Variants in THADA observed in about 807,000 individuals in gnomAD.
THADA encodes THADA armadillo repeat containing.
THADA carries 213 observed loss-of-function variants against 219.8 expected under a neutral mutation model. That is an observed-to-expected ratio of 0.97 (90% CI 0.87 to 1.09). The LOEUF (loss-of-function observed/expected upper bound fraction) is 1.09. Ranked by LOEUF, THADA falls within the 50% of genes least tolerant of loss-of-function variation. THADA has a pLI of 0.00. For synonymous variants in THADA, 1,018 were observed against 828.9 expected (o/e 1.23, Z -3.92); for missense variants, 2,956 against 2,311.3 (o/e 1.28, Z -5.72).
At chr2:43,390,150 C>A (rs745440943) in intron 29 of THADA, among the ~76,000 whole-genome samples, 1 of 152,210 alleles carries the variant, frequency 6.6e-6, no homozygotes, top group Non-Finnish European at 1.5e-5. Flanking sequence ...GGATACTTTG[C>A]TCTTTGCCTA....
intron 4 of THADA, among the ~76,000 whole-genome samples, chr2:43,590,160 G>A (rs1701405171): frequency 1.3e-5 from 2 of 152,108 alleles, no homozygotes; most frequent in South Asian, 4.1e-4. Flanking sequence ...ATTTTGTATA[G>A]TTCTATATCA....
Position 43,515,126 on chromosome 2 carries a change from T to TTTATATATTATATATTATATATTATATA in THADA, c.3375-6347_3375-6346insTATATAATATATAATATATAATATATAA, listed in dbSNP as rs1691299816. Among the ~76,000 whole-genome samples, 2 of 3,684 alleles carry TTTATATATTATATATTATATATTATATA rather than the reference T, an allele frequency of 5.4e-4. 1 individual carries two copies. Among genetic ancestry groups the TTTATATATTATATATTATATATTATATA allele is most frequent in the African/African-American group, 2.4e-3 (2 of 844 alleles). 2.4% of individuals were successfully genotyped at this position (3,684 alleles called of 152,430 possible). A position where few individuals can be genotyped will look rare whatever the true frequency, so the allele number is the denominator to read the frequency against. ...ATAATATATTTTATATATAATATAT[T>TTTATATATTATATATTATATATTATATA]TTATATATAATATATAATATATTTT... On this transcript the variant is annotated intron_variant, in intron 22 of 37. Coordinates refer to ENST00000405975, the MANE Select transcript of THADA (RefSeq NM_022065.5).
chr2:43,346,291 C>T (rs1667618040), intron 29 of THADA, among the ~76,000 whole-genome samples: 1 of 151,990 alleles, frequency 6.6e-6, no homozygotes, highest in Non-Finnish European at 1.5e-5. Flanking sequence ...CACAACTAAC[C>T]TCATAGACAT....
intron 21 of THADA, among the ~76,000 whole-genome samples, chr2:43,532,237 C>T (rs1192241908): frequency 2.0e-5 from 3 of 151,502 alleles, no homozygotes; most frequent in African/African-American, 7.3e-5. Context: ...CACAGTAAAA[C>T]CCCCGTCTCT....
intron 7 of THADA, among the ~76,000 whole-genome samples, chr2:43,582,395 G>A (rs1356010907): frequency 4.0e-5 from 6 of 151,576 alleles, no homozygotes; most frequent in Non-Finnish European, 8.8e-5. Flanking sequence ...TACTCAGGGG[G>A]CTGAGGCAGG....
At chr2:43,561,667 C>T (rs1258873402) in intron 15 of THADA, among the ~76,000 whole-genome samples, 1 of 152,206 alleles carries the variant, frequency 6.6e-6, no homozygotes, top group African/African-American at 2.4e-5. Context: ...GAGCCGACAC[C>T]TGAGGTTTTT....
intron 36 of THADA, among the ~76,000 whole-genome samples, chr2:43,236,297 G>C (rs984246536): frequency 6.6e-6 from 1 of 152,202 alleles, no homozygotes; most frequent in Non-Finnish European, 1.5e-5. Flanking sequence ...TTGGGGATGC[G>C]GGGGGAAGGA....
chr2:43,307,330 T>C (rs1227089757), intron 31 of THADA, among the ~76,000 whole-genome samples: 1 of 152,176 alleles, frequency 6.6e-6, no homozygotes, highest in Non-Finnish European at 1.5e-5. Flanking sequence ...TGGGGCACAA[T>C]ACCGGAGAGA....
chr2:43,540,677 G>C (rs1230288568), intron 21 of THADA, among the ~76,000 whole-genome samples: 1 of 152,112 alleles, frequency 6.6e-6, no homozygotes, highest in Non-Finnish European at 1.5e-5. Context: ...CACTTGAACA[G>C]TCCCAGATGG....
chr2:43,429,827 T>C (rs1679004676), intron 27 of THADA, among the ~76,000 whole-genome samples: 1 of 151,700 alleles, frequency 6.6e-6, no homozygotes, highest in African/African-American at 2.4e-5. Flanking sequence ...CCAAGCAATA[T>C]GATATAATTA....
At chr2:43,355,929 GA>G (rs1668825824) in intron 29 of THADA, among the ~76,000 whole-genome samples, 1 of 152,150 alleles carries the variant, frequency 6.6e-6, no homozygotes. Context: ...ATAAAAATGT[GA>G]AAAAGATTTA....
Position 43,231,019 on chromosome 2 carries a change from C to G in THADA, c.5791G>C (p.Val1931Leu). 6.2e-7 allele frequency: 1 copy of G among 1,613,944 alleles called. No homozygotes were observed. The highest frequency in any genetic ancestry group is 8.5e-7 in the Non-Finnish European group (1 of 1,179,876). ...LEGKEGEDTL[V>L]LSVWDSYAES... ...GCATAAGAGTCCCAAACACTGAGAACTAGGGTGTCTTCCCCTTCCTTTCCT... is the reference window on the plus strand; with the variant it reads ...GCATAAGAGTCCCAAACACTGAGAAGTAGGGTGTCTTCCCCTTCCTTTCCT... The change falls in exon 38 of 38, where the codon GTT (valine) becomes CTT (leucine). Residue 1931 changes from valine (V) to leucine (L), a missense_variant. By Grantham distance (32) the Val-to-Leu change is conservative. Transcript: ENST00000405975.
chr2:43,248,492 A>C (rs980825136), intron 36 of THADA, among the ~76,000 whole-genome samples: 15 of 152,134 alleles, frequency 9.9e-5, no homozygotes, highest in Non-Finnish European at 1.8e-4. Flanking sequence ...TTAGCCTCCC[A>C]AAGTGCTGGG....
intron 35 of THADA, among the ~76,000 whole-genome samples, chr2:43,284,597 A>C (rs1327008002): frequency 2.0e-5 from 3 of 152,116 alleles, no homozygotes; most frequent in South Asian, 2.1e-4. Flanking sequence ...CTCATGGAGA[A>C]CCTCTATTAG....
intron 28 of THADA, among the ~76,000 whole-genome samples, chr2:43,416,854 G>A (rs1322249696): frequency 6.6e-6 from 1 of 152,134 alleles, no homozygotes; most frequent in Non-Finnish European, 1.5e-5. Context: ...CATTAAAGCA[G>A]TTTCCTGAAG....
intron 17 of THADA, 58 bp downstream of exon 17, chr2:43,556,287 C>A (rs1374905231): frequency 1.3e-6 from 2 of 1,586,090 alleles, no homozygotes; most frequent in East Asian, 2.2e-5. Context: ...GATATTCTAA[C>A]CAAATGAATA....
At chr2:43,392,114 G>A (rs778207486) in intron 29 of THADA, among the ~76,000 whole-genome samples, 6 of 152,120 alleles carry the variant, frequency 3.9e-5, no homozygotes, top group East Asian at 3.9e-4. Context: ...ATCTTAGGTC[G>A]CCAAATGGAA....
chr2:43,442,396 A>G (rs1224755365), intron 26 of THADA, among the ~76,000 whole-genome samples: 1 of 152,132 alleles, frequency 6.6e-6, no homozygotes, highest in Admixed American at 6.5e-5. Flanking sequence ...AGATCACACC[A>G]CTGCACTCCA....
intron 25 of THADA, among the ~76,000 whole-genome samples, chr2:43,492,521 T>A (rs985442460): frequency 1.3e-5 from 2 of 152,134 alleles, no homozygotes; most frequent in Non-Finnish European, 2.9e-5. Context: ...AATATGGTCA[T>A]TTACACACCA....
Sources: allele counts gnomAD v4.1 joint callset (sites outside exome capture counted in the v4.1 genomes callset), GRCh38; gene constraint gnomAD v4.1.1; transcripts MANE v1.5; gene names NCBI Gene and HGNC (gene_info 2026-07-23, HGNC 2026-07-21).